Variants in MSI2 observed in about 807,000 individuals in gnomAD.
The protein encoded by MSI2 is musashi RNA binding protein 2.
Under a neutral mutation model 45.6 loss-of-function variants are expected in MSI2, and 17 were observed. That is an observed-to-expected ratio of 0.37 (90% CI 0.26 to 0.56). MSI2 has a LOEUF of 0.56. MSI2 is among the 20% of genes least tolerant of loss of function. MSI2 has a pLI of 0.77. For synonymous variants in MSI2, 156 were observed against 158.2 expected (o/e 0.99, Z 0.11); for missense variants, 293 against 444.2 (o/e 0.66, Z 3.06).
intron 11 of MSI2, among the ~76,000 whole-genome samples, chr17:57,660,858 G>C (rs949839303): frequency 6.6e-6 from 1 of 152,220 alleles, no homozygotes; most frequent in South Asian, 2.1e-4. Flanking sequence ...GAGCTGGGCA[G>C]AATCAGAGCA....
chr17:57,513,068 G>A (rs1439939116), intron 6 of MSI2, among the ~76,000 whole-genome samples: 1 of 146,996 alleles, frequency 6.8e-6, no homozygotes, highest in Non-Finnish European at 1.5e-5. Context: ...CCACCTCCCG[G>A]GTTCAAGCGA....
At chr17:57,564,743 A>G (rs1010681777) in intron 7 of MSI2, among the ~76,000 whole-genome samples, 1 of 152,192 alleles carries the variant, frequency 6.6e-6, no homozygotes, top group Non-Finnish European at 1.5e-5. Flanking sequence ...GCTAAATTGT[A>G]TGGTATTTCC....
At chr17:57,453,664 T>C (rs1159460748) in intron 6 of MSI2, among the ~76,000 whole-genome samples, 1 of 152,228 alleles carries the variant, frequency 6.6e-6, no homozygotes, top group Non-Finnish European at 1.5e-5. Flanking sequence ...ATTTAACCTA[T>C]CTATGCCTAG....
chr17:57,670,395 C>T (rs59451740), intron 11 of MSI2, among the ~76,000 whole-genome samples: 9,482 of 152,268 alleles, frequency 0.062, 868 homozygotes, highest in African/African-American at 0.2. Flanking sequence ...GCTTTAGAAC[C>T]CTAAGGGAAA....
chr17:57,357,700 T>A (rs1417952305), intron 5 of MSI2, among the ~76,000 whole-genome samples: 2 of 152,366 alleles, frequency 1.3e-5, no homozygotes, highest in Non-Finnish European at 2.9e-5. Context: ...ACTTGATTTT[T>A]CAGTTGAGGG....
intron 6 of MSI2, among the ~76,000 whole-genome samples, chr17:57,502,584 T>A (rs1358676591): frequency 8.1e-6 from 1 of 123,436 alleles, no homozygotes; most frequent in Non-Finnish European, 1.7e-5. Flanking sequence ...GGACAGGGAA[T>A]GGAGAAGATG....
At chr17:57,384,031 C>T (rs577254510) in intron 5 of MSI2, among the ~76,000 whole-genome samples, 1 of 152,238 alleles carries the variant, frequency 6.6e-6, no homozygotes, top group Non-Finnish European at 1.5e-5. Context: ...TGAAAACTGA[C>T]TCTTCATCCT....
intron 7 of MSI2, among the ~76,000 whole-genome samples, chr17:57,594,323 T>C (rs1011746552): frequency 5.3e-5 from 8 of 152,222 alleles, no homozygotes; most frequent in African/African-American, 1.9e-4. Flanking sequence ...AGGGTGGGGC[T>C]GGGGGAAGGG....
At chr17:57,277,389 G>A (rs1197832246) in intron 5 of MSI2, among the ~76,000 whole-genome samples, 1 of 152,154 alleles carries the variant, frequency 6.6e-6, no homozygotes, top group African/African-American at 2.4e-5. Flanking sequence ...GGTTTGGGTC[G>A]TGAGGGAGTA....
intron 5 of MSI2, among the ~76,000 whole-genome samples, chr17:57,285,574 C>T (rs576006296): frequency 1.8e-3 from 278 of 152,308 alleles, no homozygotes; most frequent in Non-Finnish European, 2.4e-3. Context: ...TGCCCAGCTG[C>T]ATGTTATTAG....
At chr17:57,400,778 G>T (rs1236916259) in intron 5 of MSI2, among the ~76,000 whole-genome samples, 3 of 152,028 alleles carry the variant, frequency 2.0e-5, no homozygotes, top group African/African-American at 7.2e-5. Context: ...GAAAGTGTAG[G>T]GATCTGGGGA....
intron 8 of MSI2, among the ~76,000 whole-genome samples, chr17:57,602,443 C>T (rs918162830): frequency 5.3e-5 from 8 of 152,182 alleles, no homozygotes; most frequent in African/African-American, 1.9e-4. Context: ...ACCTCTGCCT[C>T]CCAGGTCTGA....
At position 57,502,920 on chromosome 17, in the gene MSI2, G is replaced by C. The variant is rs965318630; in HGVS notation, c.406-26756G>C. On this transcript the variant is annotated intron_variant, in intron 6 of 13. Transcript: ENST00000284073. ...GGCCCTGGCTTGCTCACCAAGCCCTGAGCTTCTGTTTATGACTAATTGCTT... is the reference window on the plus strand; with the variant it reads ...GGCCCTGGCTTGCTCACCAAGCCCTCAGCTTCTGTTTATGACTAATTGCTT... Among the ~76,000 whole-genome samples, 5 of 152,144 alleles carry C rather than the reference G, an allele frequency of 3.3e-5. No homozygotes were observed. In the South Asian group the frequency reaches 1.0e-3, roughly 32 times the overall value.
At chr17:57,692,749 C>G in the MSI2 span, among the ~76,000 whole-genome samples, 15 of 151,986 alleles carry the variant, frequency 9.9e-5, no homozygotes, top group African/African-American at 3.6e-4. Context: ...CTTTTCAGTA[C>G]TTTAAAGATG....
At chr17:57,414,097 G>GC (rs2084248313) in intron 6 of MSI2, among the ~76,000 whole-genome samples, 2 of 149,898 alleles carry the variant, frequency 1.3e-5, no homozygotes, top group African/African-American at 5.1e-5. Flanking sequence ...AATAATTACA[G>GC]ATTGTGTCAT....
At chr17:57,294,283 G>A (rs551214632) in intron 5 of MSI2, among the ~76,000 whole-genome samples, 28 of 152,220 alleles carry the variant, frequency 1.8e-4, no homozygotes, top group Middle Eastern at 3.4e-3. Context: ...CTCCAGTATA[G>A]CACTTCATCT....
intron 6 of MSI2, among the ~76,000 whole-genome samples, chr17:57,462,330 T>A (rs1379609784): frequency 6.6e-6 from 1 of 152,202 alleles, no homozygotes; most frequent in East Asian, 1.9e-4. Flanking sequence ...CCTTACTGTG[T>A]GGGTCCCAGC....
intron 7 of MSI2, among the ~76,000 whole-genome samples, chr17:57,555,860 C>T (rs923306076): frequency 6.6e-6 from 1 of 152,210 alleles, no homozygotes; most frequent in Non-Finnish European, 1.5e-5. Flanking sequence ...ACACAACTAC[C>T]TTCCTGGGGC....
chr17:57,558,589 C>G (rs1446371478), intron 7 of MSI2, among the ~76,000 whole-genome samples: 1 of 152,200 alleles, frequency 6.6e-6, no homozygotes, highest in Non-Finnish European at 1.5e-5. Flanking sequence ...AACCACGACT[C>G]TAAGTCACTT....
Sources: gnomAD v4.1 joint callset for allele counts (sites outside exome capture counted in the v4.1 genomes callset) on GRCh38, gnomAD v4.1.1 for gene constraint, MANE v1.5 for transcripts, NCBI Gene and HGNC (gene_info 2026-07-23, HGNC 2026-07-21) for gene names.